The following MYO16 variants were observed in gnomAD, a reference collection of about 807,000 sequenced individuals.
MYO16 encodes myosin XVI.
In MYO16, 94 loss-of-function variants were observed where a neutral mutation model predicts 205.3. The ratio of observed to expected loss-of-function variants is 0.46; its 90% CI spans 0.39 to 0.54. MYO16 has a LOEUF of 0.54. MYO16 is among the 20% of genes least tolerant of loss of function. The pLI, the probability that MYO16 is intolerant of heterozygous loss-of-function variation, is 0.00. For synonymous variants in MYO16, 988 were observed against 954.0 expected (o/e 1.04, Z -0.66); for missense variants, 2,315 against 2,387.5 (o/e 0.97, Z 0.63).
chr13:108,976,283 G>A (rs902469652), intron 20 of MYO16, among the ~76,000 whole-genome samples: 3 of 152,124 alleles, frequency 2.0e-5, no homozygotes, highest in Non-Finnish European at 4.4e-5. Flanking sequence ...TCTCTCTGAT[G>A]TGATGTATGT....
chr13:108,734,730 C>G (rs1884633348), intron 4 of MYO16, among the ~76,000 whole-genome samples: 1 of 152,228 alleles, frequency 6.6e-6, no homozygotes, highest in Non-Finnish European at 1.5e-5. Flanking sequence ...CCAGGGCACT[C>G]AGAATTTCAT....
Position 108,930,328 on chromosome 13 carries a change from T to C in MYO16, c.1925+20178T>C, listed in dbSNP as rs539848852. Among the ~76,000 whole-genome samples the C allele has an allele frequency of 1.4e-4, 21 of 152,230 alleles. 1 individual carries two copies. The highest frequency in any genetic ancestry group is 1.1e-3 in the Admixed American group (17 of 15,290). On this transcript the variant is annotated intron_variant, in intron 16 of 34. Transcript: ENST00000457511. ...ATTGTTCTCATTATCAATTTTTTAATTAAAAAATCCAGCATATCTATGACA... is the reference window on the plus strand; with the variant it reads ...ATTGTTCTCATTATCAATTTTTTAACTAAAAAATCCAGCATATCTATGACA...
At chr13:108,643,546 G>A (rs1880604436) in intron 1 of MYO16, among the ~76,000 whole-genome samples, 1 of 152,218 alleles carries the variant, frequency 6.6e-6, no homozygotes, top group South Asian at 2.1e-4. Context: ...TATGGCAAGT[G>A]TGTTTAGTTG....
intron 16 of MYO16, among the ~76,000 whole-genome samples, chr13:108,956,003 T>C (rs1486501380): frequency 1.3e-5 from 2 of 152,172 alleles, no homozygotes; most frequent in African/African-American, 4.8e-5. Context: ...ACTCCCATGG[T>C]TTTAGCCTTC....
intron 27 of MYO16, among the ~76,000 whole-genome samples, chr13:109,071,261 A>G (rs966995731): frequency 1.3e-5 from 2 of 152,172 alleles, no homozygotes; most frequent in Non-Finnish European, 2.9e-5. Context: ...TCTATTTTTT[A>G]TAAGTTCCCA....
chr13:108,731,601 C>T (rs753856567), intron 4 of MYO16, among the ~76,000 whole-genome samples: 1 of 152,116 alleles, frequency 6.6e-6, no homozygotes, highest in Non-Finnish European at 1.5e-5. Flanking sequence ...AAATTATTAG[C>T]AATATTTTCA....
intron 4 of MYO16, among the ~76,000 whole-genome samples, chr13:108,734,206 T>A (rs899681527): frequency 1.3e-5 from 2 of 151,642 alleles, no homozygotes; most frequent in Admixed American, 6.6e-5. Flanking sequence ...TTTTTTTTTT[T>A]AGCACTTATA....
chr13:108,549,279 C>T, the MYO16 span, among the ~76,000 whole-genome samples: 2 of 152,080 alleles, frequency 1.3e-5, no homozygotes, highest in Non-Finnish European at 2.9e-5. Flanking sequence ...TATAAGATAC[C>T]ACACAGCTGG....
At chr13:108,794,330 A>G (rs1886714906) in intron 6 of MYO16, among the ~76,000 whole-genome samples, 1 of 152,212 alleles carries the variant, frequency 6.6e-6, no homozygotes, top group South Asian at 2.1e-4. Flanking sequence ...CTAAAATAAA[A>G]TTTGGAAGGA....
chr13:108,781,707 A>G (rs1331274500), intron 4 of MYO16, among the ~76,000 whole-genome samples: 2 of 130,472 alleles, frequency 1.5e-5, no homozygotes, highest in East Asian at 6.7e-4. Context: ...TTTGAATTGT[A>G]TCTCACACAG....
chr13:108,526,686 TC>T, the MYO16 span, among the ~76,000 whole-genome samples: 1 of 152,196 alleles, frequency 6.6e-6, no homozygotes, highest in Non-Finnish European at 1.5e-5. Context: ...TTATCCAATT[TC>T]TCACTTTCCA....
chr13:108,500,138 C>T, the MYO16 span, among the ~76,000 whole-genome samples: 3 of 151,484 alleles, frequency 2.0e-5, no homozygotes, highest in Non-Finnish European at 1.5e-5. Context: ...TGACTCCTCA[C>T]ATCCACACTG....
intron 20 of MYO16, among the ~76,000 whole-genome samples, chr13:108,973,299 G>C (rs998547323): frequency 2.6e-5 from 4 of 151,982 alleles, no homozygotes; most frequent in Admixed American, 2.6e-4. Context: ...ATAACAGAAG[G>C]AAGTATTGAA....
At chr13:108,672,700 A>T (rs933934037) in intron 2 of MYO16, among the ~76,000 whole-genome samples, 1 of 152,094 alleles carries the variant, frequency 6.6e-6, no homozygotes, top group Non-Finnish European at 1.5e-5. Flanking sequence ...ACTGTCCTAA[A>T]TTTTCTTTTA....
In MYO16 at chr13:109,131,378, C is replaced by T. The variant is rs77202399; in HGVS notation, c.4051+3828C>T. The stretch of plus-strand genomic sequence containing the variant: ...CTAGCATATGTCTTTCCTGGTAGGT[C>T]TTCACCCAATAAAAATGGTTGTGGT... On this transcript the variant is annotated intron_variant, in intron 31 of 34. Transcript: ENST00000457511. Among the ~76,000 whole-genome samples the T allele has an allele frequency of 1.3e-3, 197 of 152,246 alleles. 2 individuals are homozygous for T. In the East Asian group the frequency reaches 0.03, roughly 23 times the overall value.
At chr13:108,619,522 G>C (rs1484683949) in intron 1 of MYO16, among the ~76,000 whole-genome samples, 1 of 152,218 alleles carries the variant, frequency 6.6e-6, no homozygotes, top group East Asian at 1.9e-4. Flanking sequence ...GGGTGTAAAA[G>C]TAAACATCAA....
At chr13:108,705,663 C>T (rs1012708726) in intron 2 of MYO16, among the ~76,000 whole-genome samples, 2 of 152,010 alleles carry the variant, frequency 1.3e-5, no homozygotes, top group Non-Finnish European at 2.9e-5. Context: ...CACTGGAGAT[C>T]TTGGACTGTA....
intron 6 of MYO16, among the ~76,000 whole-genome samples, chr13:108,798,070 A>G (rs1489264461): frequency 6.6e-6 from 1 of 151,730 alleles, no homozygotes; most frequent in Admixed American, 6.6e-5. Flanking sequence ...AAAGGCTAGG[A>G]TGCTGTCCCT....
intron 16 of MYO16, among the ~76,000 whole-genome samples, chr13:108,926,598 C>T (rs1882018040): frequency 6.6e-6 from 1 of 152,096 alleles, no homozygotes; most frequent in South Asian, 2.1e-4. Context: ...AAAAAGTCAC[C>T]AGGAACAGGA....
Sources: allele counts gnomAD v4.1 joint callset (sites outside exome capture counted in the v4.1 genomes callset), GRCh38; gene constraint gnomAD v4.1.1; transcripts MANE v1.5; gene names NCBI Gene and HGNC (gene_info 2026-07-23, HGNC 2026-07-21).